The following FRMD6 variants were observed in gnomAD, a reference collection of about 807,000 sequenced individuals.
FRMD6 encodes the protein FERM domain-containing protein 6.
Under a neutral mutation model 73.2 loss-of-function variants are expected in FRMD6, and 37 were observed. The observed-to-expected ratio is 0.51, with a 90% confidence interval of 0.39 to 0.66. The LOEUF (loss-of-function observed/expected upper bound fraction) is 0.66, where lower values mean the gene tolerates loss of function less well. FRMD6 is among the 30% of genes least tolerant of loss of function. The pLI, the probability that FRMD6 is intolerant of heterozygous loss-of-function variation, is 0.00. For synonymous variants in FRMD6, 273 were observed against 282.2 expected (o/e 0.97, Z 0.33); for missense variants, 714 against 780.5 (o/e 0.91, Z 1.02).
the FRMD6 span, among the ~76,000 whole-genome samples, chr14:51,405,066 A>G: frequency 1.3e-5 from 2 of 152,166 alleles, no homozygotes; most frequent in Admixed American, 1.3e-4. Flanking sequence ...TAAGGATAAT[A>G]GCTTCCAGCT....
intron 1 of FRMD6, among the ~76,000 whole-genome samples, chr14:51,518,854 CTTA>C (rs1264390741): frequency 2.0e-5 from 3 of 152,156 alleles, no homozygotes; most frequent in Non-Finnish European, 4.4e-5. Flanking sequence ...TTATAGCTGT[CTTA>C]TTATAGCAAA....
At chr14:51,501,810 A>G (rs908570823) in intron 1 of FRMD6, among the ~76,000 whole-genome samples, 2 of 152,208 alleles carry the variant, frequency 1.3e-5, no homozygotes, top group African/African-American at 4.8e-5. Context: ...ACTGTCTTCC[A>G]CAATGGTTGA....
intron 1 of FRMD6, among the ~76,000 whole-genome samples, chr14:51,515,722 G>C (rs1884592493): frequency 6.6e-6 from 1 of 152,200 alleles, no homozygotes; most frequent in Non-Finnish European, 1.5e-5. Flanking sequence ...GGATAACAGA[G>C]CTGCTACTGA....
chr14:51,708,944 C>T (rs1411555531), intron 7 of FRMD6, among the ~76,000 whole-genome samples: 1 of 152,088 alleles, frequency 6.6e-6, no homozygotes, highest in Non-Finnish European at 1.5e-5. Context: ...TCTCTAGCCT[C>T]GTTTTTCCTT....
At chr14:51,703,325 G>A (rs1896438617) in intron 5 of FRMD6, among the ~76,000 whole-genome samples, 1 of 151,988 alleles carries the variant, frequency 6.6e-6, no homozygotes. Context: ...TATGAACTCT[G>A]TTTTGCTTAT....
the FRMD6 span, among the ~76,000 whole-genome samples, chr14:51,413,332 C>CA: frequency 6.6e-6 from 1 of 152,140 alleles, no homozygotes; most frequent in Non-Finnish European, 1.5e-5. Flanking sequence ...ACGGCAGGCC[C>CA]AAGGGTGTGA....
At chr14:51,564,020 C>A (rs770879236) in intron 1 of FRMD6, among the ~76,000 whole-genome samples, 3 of 152,112 alleles carry the variant, frequency 2.0e-5, no homozygotes, top group African/African-American at 7.2e-5. Context: ...CGGAAAATTT[C>A]TTTCTGGGTA....
At chr14:51,657,391 C>T (rs904535573) in intron 1 of FRMD6, among the ~76,000 whole-genome samples, 5 of 152,284 alleles carry the variant, frequency 3.3e-5, no homozygotes, top group East Asian at 1.9e-4. Context: ...ATCTTTGCCC[C>T]CAGGATAACC....
chr14:51,413,621 G>A, the FRMD6 span, among the ~76,000 whole-genome samples: 1 of 152,138 alleles, frequency 6.6e-6, no homozygotes, highest in Non-Finnish European at 1.5e-5. Flanking sequence ...ATAAACATAT[G>A]TGTGCATGTG....
chr14:51,660,790 G>T (rs983077921), intron 1 of FRMD6, among the ~76,000 whole-genome samples: 1 of 152,070 alleles, frequency 6.6e-6, no homozygotes, highest in Non-Finnish European at 1.5e-5. Context: ...GGGACTTTGC[G>T]ATTTGGTGGA....
intron 13 of FRMD6, among the ~76,000 whole-genome samples, chr14:51,726,795 A>G (rs928830750): frequency 2.6e-5 from 4 of 152,332 alleles, no homozygotes; most frequent in African/African-American, 7.2e-5. Context: ...GGAAGACAGC[A>G]TCAGCACAAG....
chr14:51,560,682 C>T (rs1887432918), intron 1 of FRMD6, among the ~76,000 whole-genome samples: 1 of 152,122 alleles, frequency 6.6e-6, no homozygotes, highest in Admixed American at 6.5e-5. Flanking sequence ...CAGGGTTTCA[C>T]CATGTTGATC....
chr14:51,707,341 C>T (rs1265640857), intron 6 of FRMD6, among the ~76,000 whole-genome samples: 1 of 152,102 alleles, frequency 6.6e-6, no homozygotes, highest in African/African-American at 2.4e-5. Flanking sequence ...ATTTTAAGCA[C>T]GACTCTTGCT....
intron 12 of FRMD6, among the ~76,000 whole-genome samples, 200 bp downstream of exon 12, chr14:51,722,280 G>T (rs139157404): frequency 1.3e-3 from 192 of 152,290 alleles, no homozygotes; most frequent in Non-Finnish European, 2.3e-3. Context: ...AAACACCCAG[G>T]ACTGGGAATT....
chr14:51,641,433 G>C (rs1437628736), intron 2 of FRMD6, among the ~76,000 whole-genome samples: 1 of 152,104 alleles, frequency 6.6e-6, no homozygotes, highest in African/African-American at 2.4e-5. Flanking sequence ...TGTTGAGAAA[G>C]AGTCTCCTAT....
chr14:51,405,870 G>A, the FRMD6 span, among the ~76,000 whole-genome samples: 1 of 152,028 alleles, frequency 6.6e-6, no homozygotes. Context: ...TGCTTTTGTT[G>A]TGATTGTTTT....
At chr14:51,661,021 A>C (rs1004556322) in intron 1 of FRMD6, among the ~76,000 whole-genome samples, 12 of 152,292 alleles carry the variant, frequency 7.9e-5, no homozygotes, top group Admixed American at 5.2e-4. Flanking sequence ...TGGAGAGCAC[A>C]TGTTTGGCTT....
the FRMD6 span, among the ~76,000 whole-genome samples, chr14:51,400,695 G>A: frequency 6.6e-6 from 1 of 152,170 alleles, no homozygotes; most frequent in Admixed American, 6.5e-5. Context: ...GATTCTTGGT[G>A]AGCATGGAAC....
the FRMD6 span, among the ~76,000 whole-genome samples, chr14:51,434,131 G>A: frequency 2.0e-5 from 3 of 152,108 alleles, no homozygotes; most frequent in Non-Finnish European, 4.4e-5. Context: ...AAACCCTATA[G>A]TGTTAGAATA....
Sources: allele counts gnomAD v4.1 joint callset (sites outside exome capture counted in the v4.1 genomes callset), GRCh38; gene constraint gnomAD v4.1.1; transcripts MANE v1.5; gene names NCBI Gene and HGNC (gene_info 2026-07-23, HGNC 2026-07-21).